CAMTA1: variants seen among roughly 807,000 people sequenced by gnomAD.
The protein encoded by CAMTA1 is calmodulin binding transcription activator 1.
In CAMTA1, 27 loss-of-function variants were observed where a neutral mutation model predicts 170.9. The ratio of observed to expected loss-of-function variants is 0.16; its 90% CI spans 0.12 to 0.22. The LOEUF (loss-of-function observed/expected upper bound fraction) is 0.22. CAMTA1 is among the 10% of genes least tolerant of loss of function. The pLI, the probability that CAMTA1 is intolerant of heterozygous loss-of-function variation, is 1.00. For missense variants in CAMTA1, 1,619 were observed against 2,217.2 expected (o/e 0.73, Z 5.42); for synonymous variants, 833 against 891.5 (o/e 0.93, Z 1.17).
In CAMTA1 at chr1:7,146,965, C is replaced by A. The variant is rs961609135; in HGVS notation, c.302+55594C>A. 6.6e-6 allele frequency among the ~76,000 whole-genome samples: 1 copy of A among 151,794 alleles called. No homozygotes were observed. The highest frequency in any genetic ancestry group is 1.9e-4 in the East Asian group (1 of 5,168). On this transcript the variant is annotated intron_variant, in intron 4 of 22. Transcript: ENST00000303635. This position sits in a 1 kb window ranked among gnomAD's most constrained non-coding sequence, Gnocchi z 4.3. ...CACACATCACACATTCAAACATATGCCGTGCACACACACAGAAAGTTACAG... is the reference window on the plus strand; with the variant it reads ...CACACATCACACATTCAAACATATGACGTGCACACACACAGAAAGTTACAG...
At chr1:6,868,175 A>G (rs932770896) in intron 3 of CAMTA1, among the ~76,000 whole-genome samples, 45 of 151,892 alleles carry the variant, frequency 3.0e-4, no homozygotes, top group Admixed American at 2.0e-4. Flanking sequence ...AAAGCATTAT[A>G]TAATGTTGAG....
At chr1:7,304,561 T>G (rs1246332048) in intron 5 of CAMTA1, among the ~76,000 whole-genome samples, 1 of 151,750 alleles carries the variant, frequency 6.6e-6, no homozygotes, top group Non-Finnish European at 1.5e-5. Context: ...ATCATTTGTT[T>G]CCTCAAGCCC....
At chr1:7,292,847 C>T (rs1673345972) in intron 5 of CAMTA1, among the ~76,000 whole-genome samples, 1 of 152,132 alleles carries the variant, frequency 6.6e-6, no homozygotes, top group Non-Finnish European at 1.5e-5. Flanking sequence ...GACAACTGAT[C>T]CCATGCCACG....
rs1279506607 is a variant in CAMTA1, at chr1:7,641,814, C to T, written c.664+1261C>T. On this transcript the variant is annotated intron_variant, in intron 7 of 22. Transcript: ENST00000303635. This position sits in a 1 kb window ranked among gnomAD's most constrained non-coding sequence, Gnocchi z 4.5. ...ACCTCGAGGCAGGCAGCCCAGGGACCTCCTGAGCTCAGACCACACCCAGTG... is the reference window on the plus strand; with the variant it reads ...ACCTCGAGGCAGGCAGCCCAGGGACTTCCTGAGCTCAGACCACACCCAGTG... Among the ~76,000 whole-genome samples, 1 of 152,108 alleles carries T rather than the reference C, an allele frequency of 6.6e-6. No individual in the cohort carries two copies. The highest frequency in any genetic ancestry group is 1.5e-5 in the Non-Finnish European group (1 of 67,990).
chr1:7,756,360 A>G (rs1158425231), intron 22 of CAMTA1, among the ~76,000 whole-genome samples: 1 of 152,286 alleles, frequency 6.6e-6, no homozygotes, highest in Non-Finnish European at 1.5e-5. Flanking sequence ...TCGAATATTT[A>G]TATTTTACAT....
chr1:6,949,625 G>A (rs757191348), intron 3 of CAMTA1, among the ~76,000 whole-genome samples: 1 of 152,244 alleles, frequency 6.6e-6, no homozygotes, highest in Non-Finnish European at 1.5e-5. Flanking sequence ...GGATTGGAGA[G>A]GCTAGAACCC....
intron 3 of CAMTA1, among the ~76,000 whole-genome samples, chr1:6,982,055 C>A (rs1694527958): frequency 1.3e-5 from 2 of 152,148 alleles, no homozygotes; most frequent in Admixed American, 1.3e-4. Context: ...TTTTTAATTG[C>A]ATTAGATAAT....
rs1430553549 is a variant in CAMTA1, at chr1:7,455,034, C to A, written c.439-12796C>A. Among the ~76,000 whole-genome samples the A allele has an allele frequency of 1.3e-5, 2 of 152,174 alleles. No individual in the cohort carries two copies. The highest frequency in any genetic ancestry group is 2.9e-5 in the Non-Finnish European group (2 of 68,038). On this transcript the variant is annotated intron_variant, in intron 5 of 22. Coordinates refer to ENST00000303635, the MANE Select transcript of CAMTA1 (RefSeq NM_015215.4). This position sits in a 1 kb window ranked among gnomAD's most constrained non-coding sequence, Gnocchi z 5.0. The stretch of plus-strand genomic sequence containing the variant: ...ATCCCCCTGCTCCGTGCCAGAGCCT[C>A]GGAGGTTCCGATGCACTCAGGGCCC...
At position 7,158,764 on chromosome 1, in the gene CAMTA1, A is replaced by G. The variant is rs1014087840; in HGVS notation, c.302+67393A>G. Among the ~76,000 whole-genome samples the G allele has an allele frequency of 3.3e-5, 5 of 152,338 alleles. No individual in the cohort carries two copies. The South Asian group carries it at 8.3e-4, about 25-fold the overall frequency. On this transcript the variant is annotated intron_variant, in intron 4 of 22. Coordinates refer to ENST00000303635, the MANE Select transcript of CAMTA1 (RefSeq NM_015215.4). Reference sequence around the variant, plus strand: ...ATTTTCTGTATGTTTGATAGTTTTCATAGTAAAATTTTGGAGGAAAACTGA... The same window carrying G: ...ATTTTCTGTATGTTTGATAGTTTTCGTAGTAAAATTTTGGAGGAAAACTGA...
Position 7,456,377 on chromosome 1 carries a change from T to C in CAMTA1, c.439-11453T>C, listed in dbSNP as rs1575428105. The stretch of plus-strand genomic sequence containing the variant: ...ACCAGCTCTAGCCACTTGGCAGGGC[T>C]CCAAGAAATAGGTCTCAGCGGTACA... On this transcript the variant is annotated intron_variant, in intron 5 of 22. Coordinates refer to ENST00000303635, the MANE Select transcript of CAMTA1 (RefSeq NM_015215.4). The surrounding 1 kb of genome is among the most constrained non-coding windows in gnomAD (Gnocchi z 4.9). Among the ~76,000 whole-genome samples the C allele has an allele frequency of 6.6e-6, 1 of 152,254 alleles. No individual in the cohort carries two copies. Among genetic ancestry groups the C allele is most frequent in the East Asian group, 1.9e-4 (1 of 5,184 alleles).
intron 5 of CAMTA1, among the ~76,000 whole-genome samples, chr1:7,276,303 A>ATAATTTTTTTTTTTTTTTTTTTTTT: frequency 7.8e-4 from 19 of 24,226 alleles, no homozygotes; most frequent in African/African-American, 4.5e-3. Context: ...ATATATATAT[A>ATAATTTTTTTTTTTTTTTTTTTTTT]TTTTTTTTTT....
At chr1:7,709,489 C>A (rs887557909) in intron 11 of CAMTA1, among the ~76,000 whole-genome samples, 8 of 152,106 alleles carry the variant, frequency 5.3e-5, no homozygotes, top group African/African-American at 1.9e-4. Flanking sequence ...GTGAGAGGGT[C>A]GAAAATCAAT....
rs1454202506 is a variant in CAMTA1 at position 7,146,846 on chromosome 1, CACACAA to C, written c.302+55483_302+55488del. The stretch of plus-strand genomic sequence containing the variant: ...ACACCACACACACATATACCATGCA[CACACAA>C]ACACAAAGACACAACATGTACACAG... On this transcript the variant is annotated intron_variant, in intron 4 of 22. Transcript: ENST00000303635. This position sits in a 1 kb window ranked among gnomAD's most constrained non-coding sequence, Gnocchi z 4.3. Among the ~76,000 whole-genome samples, 1 of 151,952 alleles carries C rather than the reference CACACAA, an allele frequency of 6.6e-6. No homozygotes were observed. The highest frequency in any genetic ancestry group is 2.4e-5 in the African/African-American group (1 of 41,338).
chr1:7,278,862 T>C (rs1671109240), intron 5 of CAMTA1, among the ~76,000 whole-genome samples: 1 of 152,116 alleles, frequency 6.6e-6, no homozygotes, highest in South Asian at 2.1e-4. Flanking sequence ...ATTACTGCCA[T>C]AGAGGAAAAG....
At chr1:7,699,469 T>G (rs1052208351) in intron 11 of CAMTA1, among the ~76,000 whole-genome samples, 1 of 152,256 alleles carries the variant, frequency 6.6e-6, no homozygotes, top group African/African-American at 2.4e-5. Flanking sequence ...TACTTCATTA[T>G]TTTTATTGCT....
At chr1:6,896,613 A>G (rs1476655217) in intron 3 of CAMTA1, among the ~76,000 whole-genome samples, 1 of 152,198 alleles carries the variant, frequency 6.6e-6, no homozygotes, top group Non-Finnish European at 1.5e-5. Flanking sequence ...GGAGGAAAAC[A>G]TGGTAATGGC....
intron 3 of CAMTA1, among the ~76,000 whole-genome samples, chr1:7,056,186 A>T (rs1707292168): frequency 6.6e-6 from 1 of 152,176 alleles, no homozygotes; most frequent in South Asian, 2.1e-4. Flanking sequence ...AGCTCAGGTG[A>T]TGTGGGTTAC....
chr1:7,600,684 C>G (rs1160188728), intron 6 of CAMTA1, among the ~76,000 whole-genome samples: 1 of 151,900 alleles, frequency 6.6e-6, no homozygotes, highest in African/African-American at 2.4e-5. Context: ...GGTGATGACT[C>G]TTAACAAGCA....
intron 4 of CAMTA1, among the ~76,000 whole-genome samples, chr1:7,188,645 A>G (rs1301830131): frequency 6.6e-6 from 1 of 152,224 alleles, no homozygotes; most frequent in East Asian, 1.9e-4. Flanking sequence ...GTATGAAACT[A>G]TCCTTCCTTT....
Sources: gnomAD v4.1 joint callset for allele counts (sites outside exome capture counted in the v4.1 genomes callset) on GRCh38, gnomAD v4.1.1 for gene constraint, Gnocchi (gnomAD v3.1) non-coding constraint, MANE v1.5 for transcripts, NCBI Gene and HGNC (gene_info 2026-07-23, HGNC 2026-07-21) for gene names.